The following ST8SIA1 variants were observed in gnomAD, a reference collection of about 807,000 sequenced individuals.
ST8SIA1 encodes ST8 alpha-N-acetyl-neuraminide alpha-2,8-sialyltransferase 1, also known as alpha-N-acetylneuraminide alpha-2,8-sialyltransferase.
ST8SIA1 carries 16 observed loss-of-function variants against 35.9 expected under a neutral mutation model. The ratio of observed to expected loss-of-function variants is 0.45; its 90% CI spans 0.30 to 0.68. The LOEUF is 0.68. Ranked by LOEUF, ST8SIA1 falls within the 30% of genes least tolerant of loss-of-function variation. The pLI is 0.09. For synonymous variants in ST8SIA1, 170 were observed against 169.6 expected, an observed-to-expected ratio of 1.00 and a Z score of -0.02; for missense variants, 383 against 453.6, an observed-to-expected ratio of 0.84 and a Z score of 1.41.
In ST8SIA1 at chr12:22,249,032, T is replaced by C. The variant is rs1865635481; in HGVS notation, c.558A>G (p.Thr186=). 6.2e-7 allele frequency: 1 copy of C among 1,613,890 alleles called. No homozygotes were observed. Among genetic ancestry groups the C allele is most frequent in the Non-Finnish European group, 8.5e-7 (1 of 1,179,810 alleles). ...KDVGSKSQLV[T]ANPSIIRQRF... ...TTTGCCGAATTATGCTGGGATTAGC[T>C]GTCACTAACTGACTTTTGGATCCAA... Residue 186 remains threonine (T), a synonymous_variant, in exon 4 of 5, where the codon ACA becomes ACG. Transcript: ENST00000396037.
chr12:22,251,100 A>T (rs1865663937), intron 3 of ST8SIA1, among the ~76,000 whole-genome samples: 1 of 152,234 alleles, frequency 6.6e-6, no homozygotes, highest in African/African-American at 2.4e-5. Flanking sequence ...CTTTGCAAAG[A>T]GGAAGATGAC....
At chr12:22,298,914 AGAT>A (rs1222383789) in intron 1 of ST8SIA1, among the ~76,000 whole-genome samples, 1 of 152,208 alleles carries the variant, frequency 6.6e-6, no homozygotes, top group African/African-American at 2.4e-5. Flanking sequence ...ACAAAAGTAG[AGAT>A]TTTTTTTTAA....
chr12:22,319,059 A>C (rs1224337992), intron 1 of ST8SIA1, among the ~76,000 whole-genome samples: 1 of 152,220 alleles, frequency 6.6e-6, no homozygotes, highest in Non-Finnish European at 1.5e-5. Context: ...TCTGGGCATT[A>C]CTGACTGCCT....
chr12:22,298,170 T>A (rs924695892), intron 1 of ST8SIA1, among the ~76,000 whole-genome samples: 2 of 152,192 alleles, frequency 1.3e-5, no homozygotes, highest in Admixed American at 1.3e-4. Flanking sequence ...CATCTCTTCA[T>A]CTGCATCCTT....
Position 22,275,019 on chromosome 12 carries a change from T to C in ST8SIA1, c.381+12130A>G, listed in dbSNP as rs577735555. On this transcript the variant is annotated intron_variant, in intron 2 of 4. Transcript: ENST00000396037. The stretch of plus-strand genomic sequence containing the variant: ...TTGTATTAAGAGAGATATATACAAA[T>C]TTGGGGGGGAGAAAATAGATTTTTA... Among the ~76,000 whole-genome samples, 5 of 152,206 alleles carry C rather than the reference T, an allele frequency of 3.3e-5. No homozygotes were observed. In the South Asian group the frequency reaches 1.0e-3, roughly 32 times the overall value.
At chr12:22,253,930 A>C (rs1473540696) in intron 3 of ST8SIA1, among the ~76,000 whole-genome samples, 1 of 151,928 alleles carries the variant, frequency 6.6e-6, no homozygotes, top group East Asian at 1.9e-4. Context: ...CTCTCAAATA[A>C]AGTTTTTACT....
chr12:22,308,482 C>G (rs373624426), intron 1 of ST8SIA1, among the ~76,000 whole-genome samples: 1 of 152,158 alleles, frequency 6.6e-6, no homozygotes, highest in East Asian at 1.9e-4. Context: ...TTAACTAGAT[C>G]TTTAATTTTT....
Position 22,201,516 on chromosome 12 carries a change from A to G in ST8SIA1, c.*36T>C. 1 of 1,545,482 alleles carries G rather than the reference A, an allele frequency of 6.5e-7. No homozygotes were observed. Among genetic ancestry groups the G allele is most frequent in the Non-Finnish European group, 8.7e-7 (1 of 1,150,584 alleles). ...GGAGTCACATAGAAAACCTAACAAA[A>G]ATACCCTGGTTCAGTCCTTTCTTCT... On this transcript the variant is annotated 3_prime_UTR_variant, in exon 5 of 5. Coordinates refer to ENST00000396037, the MANE Select transcript of ST8SIA1 (RefSeq NM_003034.4).
intron 1 of ST8SIA1, among the ~76,000 whole-genome samples, chr12:22,318,820 T>C (rs757001340): frequency 6.6e-6 from 1 of 152,352 alleles, no homozygotes; most frequent in South Asian, 2.1e-4. Flanking sequence ...TATCAGGCTT[T>C]GACTTGAAGC....
intron 1 of ST8SIA1, among the ~76,000 whole-genome samples, chr12:22,312,960 T>G (rs1029483701): frequency 3.9e-5 from 6 of 152,198 alleles, no homozygotes; most frequent in African/African-American, 1.4e-4. Context: ...ATTGATATTT[T>G]ATGCCATAAT....
chr12:22,271,433 G>A (rs924820461), intron 2 of ST8SIA1, among the ~76,000 whole-genome samples: 2 of 152,110 alleles, frequency 1.3e-5, no homozygotes, highest in African/African-American at 4.8e-5. Flanking sequence ...AAGTGCCCAG[G>A]TCATGGAGAA....
intron 2 of ST8SIA1, among the ~76,000 whole-genome samples, chr12:22,256,702 G>A (rs1462556729): frequency 6.6e-6 from 1 of 152,132 alleles, no homozygotes; most frequent in African/African-American, 2.4e-5. Context: ...TTATTCCTTT[G>A]ATTTCTAGTT....
chr12:22,300,837 C>G (rs943957725), intron 1 of ST8SIA1, among the ~76,000 whole-genome samples: 1 of 152,060 alleles, frequency 6.6e-6, no homozygotes, highest in Non-Finnish European at 1.5e-5. Flanking sequence ...TTAATTAATC[C>G]TTTAAGATGT....
rs1297693877 is a variant in ST8SIA1 at position 22,198,220 on chromosome 12, A to T, written c.*3332T>A. The T allele has an allele frequency of 6.6e-6, 1 of 152,124 alleles. No homozygotes were observed. The highest frequency in any genetic ancestry group is 2.4e-5 in the African/African-American group (1 of 41,418). The allele number at this position is 152,124 out of a possible 1,614,324, so 9.4% of individuals were successfully genotyped here. A position where few individuals can be genotyped will look rare whatever the true frequency, so the allele number is the denominator to read the frequency against. ...CAATTTTTTTAATTAGTCTGATGGT[A>T]CAAAGTGATGCCCCCTCTTGGCAGG... On this transcript the variant is annotated 3_prime_UTR_variant, in exon 5 of 5. Transcript: ENST00000396037.
chr12:22,247,717 A>G (rs1385731557), intron 4 of ST8SIA1, among the ~76,000 whole-genome samples: 1 of 152,150 alleles, frequency 6.6e-6, no homozygotes, highest in Non-Finnish European at 1.5e-5. Flanking sequence ...GAAGCCATAA[A>G]GGAAAATACT....
intron 1 of ST8SIA1, among the ~76,000 whole-genome samples, chr12:22,298,521 T>C (rs551997799): frequency 2.6e-5 from 4 of 152,206 alleles, no homozygotes; most frequent in Non-Finnish European, 5.9e-5. Flanking sequence ...GTGTTGATTG[T>C]TGTTGAGTGG....
At position 22,200,658 on chromosome 12, in the gene ST8SIA1, A is replaced by T. The variant is rs932977563; in HGVS notation, c.*894T>A. ...GTCTTCCACAGAGACTAAGCTTTTC[A>T]TCAACGTGCTTTACTGCATTTCTGA... On this transcript the variant is annotated 3_prime_UTR_variant, in exon 5 of 5. Coordinates refer to ENST00000396037, the MANE Select transcript of ST8SIA1 (RefSeq NM_003034.4). 6.6e-6 allele frequency: 1 copy of T among 152,214 alleles called. No homozygotes were observed. Among genetic ancestry groups the T allele is most frequent in the African/African-American group, 2.4e-5 (1 of 41,474 alleles). 9.4% of individuals were successfully genotyped at this position (152,214 alleles called of 1,614,324 possible).
Position 22,199,958 on chromosome 12 carries a change from T to C in ST8SIA1, c.*1594A>G, listed in dbSNP as rs988978756. ...GACAACGAGAGGCTTCCCTTACCCTTCTCTGAAATGTAAACACATTTGGCT... is the reference window on the plus strand; with the variant it reads ...GACAACGAGAGGCTTCCCTTACCCTCCTCTGAAATGTAAACACATTTGGCT... On this transcript the variant is annotated 3_prime_UTR_variant, in exon 5 of 5. Transcript: ENST00000396037. 1.3e-5 allele frequency: 2 copies of C among 152,202 alleles called. No homozygotes were observed. The highest frequency in any genetic ancestry group is 2.9e-5 in the Non-Finnish European group (2 of 68,026). 9.4% of individuals were successfully genotyped at this position (152,202 alleles called of 1,614,324 possible).
chr12:22,226,451 G>A (rs1865358577), intron 4 of ST8SIA1, among the ~76,000 whole-genome samples: 1 of 151,854 alleles, frequency 6.6e-6, no homozygotes, highest in Admixed American at 6.6e-5. Flanking sequence ...AAGTACTTCT[G>A]CCTGTGGACC....
Sources: allele counts gnomAD v4.1 joint callset (sites outside exome capture counted in the v4.1 genomes callset), GRCh38; gene constraint gnomAD v4.1.1; transcripts MANE v1.5; gene names NCBI Gene and HGNC (gene_info 2026-07-23, HGNC 2026-07-21).